PML: variants seen among roughly 807,000 people sequenced by gnomAD.
The protein encoded by PML is PML nuclear body scaffold.
In PML, 28 loss-of-function variants were observed where a neutral mutation model predicts 65.2. The observed-to-expected ratio is 0.43, with a 90% CI of 0.32 to 0.59. The LOEUF (loss-of-function observed/expected upper bound fraction) is 0.59. PML is among the 20% of genes least tolerant of loss of function. The pLI, the probability that PML is intolerant of heterozygous loss-of-function variation, is 0.08. For synonymous variants in PML, 500 were observed against 508.8 expected (o/e 0.98, Z 0.23); for missense variants, 1,021 against 1,203.4 (o/e 0.85, Z 2.24).
At position 74,037,098 on chromosome 15, in the gene PML, A is replaced by G. The variant is rs1249542290; in HGVS notation, c.1710+2568A>G. 1.0e-6 allele frequency: 1 copy of G among 985,306 alleles called. No individual in the cohort carries two copies. The highest frequency in any genetic ancestry group is 1.7e-5 in the African/African-American group (1 of 57,328). 61.0% of individuals were successfully genotyped at this position (985,306 alleles called of 1,614,324 possible). A position where few individuals can be genotyped will look rare whatever the true frequency, so the allele number is the denominator to read the frequency against. On this transcript the variant is annotated intron_variant, in intron 7 of 8. Transcript: ENST00000268058. This position sits in a 1 kb window ranked among gnomAD's most constrained non-coding sequence, Gnocchi z 4.2. ...TGCAGGAGAAAGGCCTGGGAAAACTATGAGTGGTTGCCTGTGACTGCTAAG... is the reference window on the plus strand; with the variant it reads ...TGCAGGAGAAAGGCCTGGGAAAACTGTGAGTGGTTGCCTGTGACTGCTAAG...
intron 2 of PML, among the ~76,000 whole-genome samples, chr15:74,000,553 C>T (rs2069715239): frequency 6.6e-6 from 1 of 152,168 alleles, no homozygotes; most frequent in African/African-American, 2.4e-5. Flanking sequence ...GGCAGCAACC[C>T]TCCCTAGGCC....
intron 2 of PML, among the ~76,000 whole-genome samples, chr15:74,016,762 T>A (rs1362357727): frequency 6.7e-6 from 1 of 149,406 alleles, no homozygotes; most frequent in African/African-American, 2.4e-5. Flanking sequence ...CAAAAAAATA[T>A]ACAGTTTTGA....
intron 2 of PML, among the ~76,000 whole-genome samples, chr15:74,012,767 C>A (rs2070392345): frequency 6.6e-6 from 1 of 152,168 alleles, no homozygotes; most frequent in Non-Finnish European, 1.5e-5. Flanking sequence ...TTTAACATCA[C>A]TTTTCCCAAG....
chr15:74,012,720 T>C (rs1367899419), intron 2 of PML, among the ~76,000 whole-genome samples: 1 of 152,244 alleles, frequency 6.6e-6, no homozygotes, highest in Non-Finnish European at 1.5e-5. Flanking sequence ...TGGTTCCATG[T>C]CAATAGGACT....
chr15:74,022,745 T>C, intron 2 of PML, 83 bp from the exon 3 acceptor site: 1 of 1,099,150 alleles, frequency 9.1e-7, no homozygotes, highest in South Asian at 1.3e-5. Context: ...TCTGGTATTT[T>C]TGGAAGAGGA....
At chr15:74,020,447 G>A (rs573427730) in intron 2 of PML, among the ~76,000 whole-genome samples, 1 of 151,972 alleles carries the variant, frequency 6.6e-6, no homozygotes. Context: ...ACACCACCAA[G>A]ACTTATTCTT....
In PML at chr15:74,031,031, C is replaced by T. The variant is rs538187478; in HGVS notation, c.1255-1541C>T. Among the ~76,000 whole-genome samples, 9 of 152,162 alleles carry T rather than the reference C, an allele frequency of 5.9e-5. No individual in the cohort carries two copies. The East Asian group carries it at 1.5e-3, about 26-fold the overall frequency. ...GGAGGCTCAGGTGATTCTCCCACCT[C>T]AGCCTCCTGTACTTTCATAATCTTG... On this transcript the variant is annotated intron_variant, in intron 4 of 8. Coordinates refer to ENST00000268058, the MANE Select transcript of PML (RefSeq NM_033238.3).
Position 74,042,831 on chromosome 15 carries a change from C to T in PML, c.1711-158C>T, listed in dbSNP as rs2071723589. 2.0e-6 allele frequency: 2 copies of T among 985,228 alleles called. No individual in the cohort carries two copies. Among genetic ancestry groups the T allele is most frequent in the South Asian group, 9.4e-5 (2 of 21,290 alleles). 61.0% of individuals were successfully genotyped at this position (985,228 alleles called of 1,614,324 possible). A position where few individuals can be genotyped will look rare whatever the true frequency, so the allele number is the denominator to read the frequency against. On this transcript the variant is annotated intron_variant, in intron 7 of 8. Transcript: ENST00000268058. This position sits in a 1 kb window ranked among gnomAD's most constrained non-coding sequence, Gnocchi z 5.3. ...CACACCCAGTTCACACCCATTCATGCACACATACCTTCTCTTGTGCACACG... is the reference window on the plus strand; with the variant it reads ...CACACCCAGTTCACACCCATTCATGTACACATACCTTCTCTTGTGCACACG...
intron 2 of PML, among the ~76,000 whole-genome samples, chr15:74,005,236 A>T (rs189052138): frequency 4.4e-4 from 66 of 151,360 alleles, no homozygotes; most frequent in South Asian, 2.7e-3. Context: ...TATTATTAGT[A>T]GAGACGGCGT....
intron 2 of PML, among the ~76,000 whole-genome samples, chr15:74,006,369 C>T (rs972652631): frequency 9.9e-5 from 13 of 131,522 alleles, no homozygotes; most frequent in Non-Finnish European, 1.2e-4. Context: ...CCAGCCTGGG[C>T]GACAGAGCGA....
Position 74,043,126 on chromosome 15 carries a change from G to C in PML, c.1848G>C (p.Lys616Asn). The C allele has an allele frequency of 6.2e-7, 1 of 1,613,684 alleles. No individual in the cohort carries two copies. The highest frequency in any genetic ancestry group is 8.5e-7 in the Non-Finnish European group (1 of 1,179,970). The change falls in exon 8 of 9, where the codon AAG (lysine) becomes AAC (asparagine). Residue 616 changes from lysine to asparagine, a missense_variant. Lys to Asn is a moderately conservative substitution (Grantham distance 94, BLOSUM62 0). Transcript: ENST00000268058. The surrounding 1 kb of genome is among the most constrained non-coding windows in gnomAD (Gnocchi z 4.3). ...GACCTCTGGTTTTCTTTGACCTCAA[G>C]ATTGACAATGAAAGTGGGTTCTCCT... ...EDRPLVFFDL[K>N]IDNETQKISQ... is the part of the protein sequence containing the mutation.
At chr15:73,995,903 G>A (rs911251681) in intron 1 of PML, among the ~76,000 whole-genome samples, 1 of 152,078 alleles carries the variant, frequency 6.6e-6, no homozygotes. Context: ...TACAGGCCAC[G>A]CCACCATACC....
At chr15:74,041,894 G>A (rs2071705519) in intron 7 of PML, among the ~76,000 whole-genome samples, 1 of 152,200 alleles carries the variant, frequency 6.6e-6, no homozygotes, top group African/African-American at 2.4e-5. Context: ...AAAACCCAAG[G>A]CCTGCCCTGG....
At chr15:74,001,987 G>T (rs1019159109) in intron 2 of PML, among the ~76,000 whole-genome samples, 2 of 148,166 alleles carry the variant, frequency 1.3e-5, no homozygotes, top group Admixed American at 1.4e-4. Flanking sequence ...CAGAGCATCA[G>T]AACCGGACCC....
intron 7 of PML, among the ~76,000 whole-genome samples, chr15:74,038,347 C>G (rs1356251691): frequency 6.6e-6 from 1 of 151,832 alleles, no homozygotes; most frequent in Non-Finnish European, 1.5e-5. Flanking sequence ...AGGGGCTATA[C>G]AGTGAATTAA....
intron 2 of PML, among the ~76,000 whole-genome samples, chr15:74,016,790 A>ATTTTTTTTTT (rs1419052993): frequency 1.6e-3 from 103 of 64,346 alleles, no homozygotes; most frequent in South Asian, 2.1e-3. Flanking sequence ...AGGCAGTGGC[A>ATTTTTTTTTT]TCTTTTTTTT....
chr15:74,043,074 A>C lies in PML; in HGVS notation c.1796A>C (p.Asn599Thr), dbSNP rs371806874. 3.4e-5 allele frequency: 55 copies of C among 1,613,102 alleles called. No individual in the cohort carries two copies. Among genetic ancestry groups the C allele is most frequent in the Non-Finnish European group, 4.6e-5 (54 of 1,179,848 alleles). The change falls in exon 8 of 9, where the codon AAC (asparagine) becomes ACC (threonine). Residue 599 changes from asparagine (N) to threonine (T), a missense_variant. By Grantham distance (65) the Asn-to-Thr change is moderately conservative (BLOSUM62 0). Transcript: ENST00000268058. This position sits in a 1 kb window ranked among gnomAD's most constrained non-coding sequence, Gnocchi z 4.3. ...AGCACCCTCAGGGTCCTGGACGAGA[A>C]CCTTGCTGACCCCCAAGCAGAAGAC... ...GPSTLRVLDENLADPQAEDRP... is the reference protein window; with the variant it reads ...GPSTLRVLDETLADPQAEDRP...
At chr15:74,032,853 G>A in intron 5 of PML, 138 bp downstream of exon 5, 1 of 943,362 alleles carries the variant, frequency 1.1e-6, no homozygotes, top group Non-Finnish European at 1.7e-6. Flanking sequence ...CGCCTTCTCT[G>A]TGCTCTCCCC....
chr15:74,000,496 G>A (rs748730798), intron 2 of PML, among the ~76,000 whole-genome samples: 2 of 151,990 alleles, frequency 1.3e-5, no homozygotes, highest in Non-Finnish European at 2.9e-5. Context: ...TGTAGAGACA[G>A]GGTTTCACGA....
Sources: allele counts gnomAD v4.1 joint callset (sites outside exome capture counted in the v4.1 genomes callset), GRCh38; gene constraint gnomAD v4.1.1; non-coding constraint Gnocchi (gnomAD v3.1); transcripts MANE v1.5; gene names NCBI Gene and HGNC (gene_info 2026-07-23, HGNC 2026-07-21).